GPR84: variants seen among roughly 807,000 people sequenced by gnomAD.
GPR84 encodes G-protein coupled receptor 84.
Under a neutral mutation model 14.9 loss-of-function variants are expected in GPR84, and 8 were observed. The observed-to-expected ratio is 0.54, with a 90% CI of 0.31 to 0.97. GPR84 has a LOEUF of 0.97. Among genes scored for constraint, GPR84 ranks in the 50% least tolerant of loss-of-function variants. The pLI is 0.04. For synonymous variants in GPR84, 164 were observed against 198.1 expected (o/e 0.83, Z 1.45); for missense variants, 424 against 498.7 (o/e 0.85, Z 1.43).
the GPR84 span, chr12:54,353,743 A>C: frequency 6.6e-6 from 1 of 152,422 alleles, no homozygotes; most frequent in East Asian, 1.9e-4. Context: ...GGGAGAGTAC[A>C]TCAGCAACAG....
chr12:54,358,762 C>A (rs1203594381), downstream of GPR84, among the ~76,000 whole-genome samples: 1 of 151,888 alleles, frequency 6.6e-6, no homozygotes, highest in Non-Finnish European at 1.5e-5. Context: ...AATTACCCAA[C>A]CCCCCATTTA....
At chr12:54,352,265 T>G in the GPR84 span, among the ~76,000 whole-genome samples, 1 of 152,198 alleles carries the variant, frequency 6.6e-6, no homozygotes, top group South Asian at 2.1e-4. Context: ...GAGCCAGCGC[T>G]GCTCCAGAAG....
the GPR84 span, among the ~76,000 whole-genome samples, chr12:54,355,043 C>T: frequency 2.0e-5 from 3 of 151,940 alleles, no homozygotes; most frequent in African/African-American, 4.8e-5. Flanking sequence ...GATGGAGCAG[C>T]GTCCAAAGAA....
downstream of GPR84, among the ~76,000 whole-genome samples, chr12:54,359,579 G>T (rs4758961): frequency 2.6e-5 from 4 of 152,252 alleles, no homozygotes; most frequent in African/African-American, 7.2e-5. Context: ...AGAAAGTCAG[G>T]GATAGAGCTC....
downstream of GPR84, among the ~76,000 whole-genome samples, chr12:54,358,594 C>G (rs1314037599): frequency 6.6e-6 from 1 of 152,000 alleles, no homozygotes; most frequent in Non-Finnish European, 1.5e-5. Context: ...TTTTCAGAGC[C>G]ATTGTGTGAA....
chr12:54,364,207 C>T (rs1005762547), intron 1 of GPR84, 186 bp downstream of exon 1: 1 of 189,038 alleles, frequency 5.3e-6, no homozygotes, highest in African/African-American at 2.3e-5. Context: ...CCTTCCCCAT[C>T]CCCAAAGACC....
the GPR84 span, among the ~76,000 whole-genome samples, chr12:54,356,972 G>T: frequency 6.6e-6 from 1 of 152,194 alleles, no homozygotes; most frequent in Non-Finnish European, 1.5e-5. Context: ...GGGGAGAAGA[G>T]AGCATGTCTT....
rs1362444188 is a variant in GPR84 at position 54,363,129 on chromosome 12, C to T, written c.723G>A (p.Leu241=). 7 of 1,614,216 alleles carry T rather than the reference C, an allele frequency of 4.3e-6. No homozygotes were observed. In the South Asian group the frequency reaches 4.4e-5, roughly 10 times the overall value. ...DEAMPGRFQE[L]DSRLASGGPS... is the part of the protein sequence containing the mutation. ...GTCCTCCTGATGCTAACCTGCTGTC[C>T]AGCTCCTGGAAACGACCAGGCATGG... The change falls in exon 2 of 2, where the codon CTG becomes CTA. Residue 241 remains leucine (L), a synonymous_variant. Transcript: ENST00000267015.
chr12:54,363,473 G>T lies in GPR84; in HGVS notation c.379C>A (p.Leu127Ile). 1 of 1,614,160 alleles carries T rather than the reference G, an allele frequency of 6.2e-7. No homozygotes were observed. Among genetic ancestry groups the T allele is most frequent in the Non-Finnish European group, 8.5e-7 (1 of 1,180,014 alleles). The change falls in exon 2 of 2, where the codon CTT (leucine) becomes ATT (isoleucine). Residue 127 changes from leucine (L) to isoleucine (I), a missense_variant. Coordinates refer to ENST00000267015, the MANE Select transcript of GPR84 (RefSeq NM_020370.3). ...GRYLLIAHPK[L>I]FPQVFSAKGI... ...TTGGCACTGAAAACTTGGGGAAAAA[G>T]CTTAGGGTGGGCAATGAGGAGGTAG... is the stretch of plus-strand genomic sequence containing the variant.
chr12:54,357,868 C>G (rs1423342134), downstream of GPR84, among the ~76,000 whole-genome samples: 1 of 152,176 alleles, frequency 6.6e-6, no homozygotes, highest in African/African-American at 2.4e-5. Context: ...AGGGGCTATA[C>G]GAATGCCAGG....
the GPR84 span, among the ~76,000 whole-genome samples, chr12:54,353,078 G>T: frequency 6.6e-6 from 1 of 152,170 alleles, no homozygotes; most frequent in Non-Finnish European, 1.5e-5. Context: ...CTGAGCTTCA[G>T]TTTCCCCAGC....
downstream of GPR84, among the ~76,000 whole-genome samples, chr12:54,359,051 G>A (rs963240058): frequency 1.3e-5 from 2 of 152,092 alleles, no homozygotes; most frequent in African/African-American, 4.8e-5. Context: ...GGAGGAGGGG[G>A]CCTGAGGAAC....
At chr12:54,359,401 C>T (rs12827788), downstream of GPR84, among the ~76,000 whole-genome samples, 59,698 of 148,064 alleles carry the variant, frequency 0.4, 13,573 homozygotes, top group Middle Eastern at 0.65. Flanking sequence ...GCAAGAACAG[C>T]CCGGGCGGGC....
Position 54,363,593 on chromosome 12 carries a change from G to C in GPR84, c.259C>G (p.Arg87Gly). Residue 87 changes from arginine to glycine, a missense_variant, in exon 2 of 2, where the codon CGC (arginine) becomes GGC (glycine). Arg to Gly is a moderately radical substitution (Grantham distance 125, BLOSUM62 -2). Coordinates refer to ENST00000267015, the MANE Select transcript of GPR84 (RefSeq NM_020370.3). ...ACCCTGCAGAAGGTGGCACCGGTGC[G>C]CCAGTGCAGGTGGAGGTAGGTGTCC... ...SVDTYLHLHW[R>G]TGATFCRVFG... 1.2e-6 allele frequency: 2 copies of C among 1,613,806 alleles called. No individual in the cohort carries two copies. Among genetic ancestry groups the C allele is most frequent in the Non-Finnish European group, 1.7e-6 (2 of 1,179,716 alleles).
the GPR84 span, among the ~76,000 whole-genome samples, chr12:54,357,327 G>A: frequency 3.9e-5 from 6 of 152,290 alleles, no homozygotes; most frequent in African/African-American, 1.4e-4. Flanking sequence ...GGGCATGGGG[G>A]ATGGGGGCGA....
the GPR84 span, among the ~76,000 whole-genome samples, chr12:54,354,558 G>C: frequency 8.6e-5 from 13 of 150,838 alleles, no homozygotes; most frequent in Admixed American, 7.3e-4. Context: ...TCAGCCTCCC[G>C]AGTAGCTGGG....
the GPR84 span, among the ~76,000 whole-genome samples, chr12:54,356,016 T>C: frequency 6.6e-6 from 1 of 152,122 alleles, no homozygotes; most frequent in Non-Finnish European, 1.5e-5. Flanking sequence ...ATTGATATCT[T>C]AGGGTTATTC....
chr12:54,360,190 C>G (rs1954254693), downstream of GPR84, among the ~76,000 whole-genome samples: 1 of 152,082 alleles, frequency 6.6e-6, no homozygotes, highest in African/African-American at 2.4e-5. Flanking sequence ...CCTCAAATCA[C>G]GGTCTTACAA....
chr12:54,363,139 A>G lies in GPR84; in HGVS notation c.713T>C (p.Phe238Ser). ...TGCTAACCTGCTGTCCAGCTCCTGG[A>G]AACGACCAGGCATGGCCTCATCAGT... ...ARTDEAMPGR[F>S]QELDSRLASG... The change falls in exon 2 of 2, where the codon TTC becomes TCC. Residue 238 changes from phenylalanine to serine, a missense_variant. Physicochemically the swap from Phe to Ser is radical, Grantham distance 155. Transcript: ENST00000267015. 1 of 1,614,166 alleles carries G rather than the reference A, an allele frequency of 6.2e-7. No individual in the cohort carries two copies. The highest frequency in any genetic ancestry group is 8.5e-7 in the Non-Finnish European group (1 of 1,180,030).
Sources: gnomAD v4.1 joint callset for allele counts (sites outside exome capture counted in the v4.1 genomes callset) on GRCh38, gnomAD v4.1.1 for gene constraint, MANE v1.5 for transcripts, NCBI Gene and HGNC (gene_info 2026-07-23, HGNC 2026-07-21) for gene names.